PCDHGA3: variants seen among roughly 807,000 people sequenced by gnomAD.
PCDHGA3 encodes the protein protocadherin gamma-A3.
Under a neutral mutation model 58.5 loss-of-function variants are expected in PCDHGA3, and 40 were observed. The ratio of observed to expected loss-of-function variants is 0.68; its 90% CI spans 0.53 to 0.89. The LOEUF (loss-of-function observed/expected upper bound fraction) is 0.89. Ranked by LOEUF, PCDHGA3 falls within the 40% of genes least tolerant of loss-of-function variation. The probability of loss-of-function intolerance (pLI) is 0.00; values close to 1 mark genes in which losing one functional copy is unlikely to be tolerated. For synonymous variants in PCDHGA3, 530 were observed against 525.7 expected (o/e 1.01, Z -0.11); for missense variants, 1,223 against 1,195.9 (o/e 1.02, Z -0.33).
intron 1 of PCDHGA3, chr5:141,419,330 C>G (rs2096361200): frequency 1.9e-6 from 3 of 1,613,958 alleles, no homozygotes; most frequent in Non-Finnish European, 2.5e-6. Context: ...CTCCTACTCT[C>G]TCATTGCCAG....
chr5:141,364,882 C>T (rs199576947), intron 1 of PCDHGA3: 2 of 1,613,962 alleles, frequency 1.2e-6, no homozygotes, highest in African/African-American at 1.3e-5. Context: ...ATGTGGTAAG[C>T]GGAACTGATG....
At chr5:141,458,289 T>G (rs2154566205) in intron 1 of PCDHGA3, among the ~76,000 whole-genome samples, 1 of 152,280 alleles carries the variant, frequency 6.6e-6, no homozygotes, top group African/African-American at 2.4e-5. Flanking sequence ...CTGGTCCTCA[T>G]GCTGGTTTAG....
chr5:141,396,811 A>G (rs999771105), intron 1 of PCDHGA3, among the ~76,000 whole-genome samples: 1 of 152,226 alleles, frequency 6.6e-6, no homozygotes, highest in Non-Finnish European at 1.5e-5. Flanking sequence ...GTAGTGTTCT[A>G]CTGTATGGTG....
chr5:141,351,973 C>A (rs1758879948), intron 1 of PCDHGA3: 7 of 1,612,382 alleles, frequency 4.3e-6, no homozygotes, highest in Non-Finnish European at 5.9e-6. Context: ...CCGCCCTCTT[C>A]GATATGGTGC....
intron 1 of PCDHGA3, chr5:141,355,435 C>G: frequency 6.2e-7 from 1 of 1,614,106 alleles, no homozygotes; most frequent in South Asian, 1.1e-5. Context: ...CGCCCTGAAC[C>G]CGCGCAGCGG....
In PCDHGA3 at chr5:141,487,574, C is replaced by T. The variant is rs753979217; in HGVS notation, c.2425-7233C>T. ...TGCACCTATGGCAGGGGAGCCTGTTCGCCCAAGCTGCCCACCCTCTGATCT... is the reference window on the plus strand; with the variant it reads ...TGCACCTATGGCAGGGGAGCCTGTTTGCCCAAGCTGCCCACCCTCTGATCT... On this transcript the variant is annotated intron_variant, in intron 1 of 3. Transcript: ENST00000253812. This position sits in a 1 kb window ranked among gnomAD's most constrained non-coding sequence, Gnocchi z 5.0. 1.2e-5 allele frequency: 20 copies of T among 1,614,040 alleles called. 1 individual carries two copies. The highest frequency in any genetic ancestry group is 8.9e-5 in the East Asian group (4 of 44,870).
intron 1 of PCDHGA3, chr5:141,378,086 T>G (rs1774615238): frequency 6.6e-6 from 1 of 150,862 alleles, no homozygotes. Context: ...TTTTATAACT[T>G]TTTTTCAAAC....
At chr5:141,404,176 A>C (rs763166170) in intron 1 of PCDHGA3, 2 of 1,613,206 alleles carry the variant, frequency 1.2e-6, no homozygotes, top group African/African-American at 2.7e-5. Context: ...TGACGGCCCA[A>C]ATTCTTGACC....
At chr5:141,400,203 G>C in intron 1 of PCDHGA3, 1 of 1,613,996 alleles carries the variant, frequency 6.2e-7, no homozygotes, top group Non-Finnish European at 8.5e-7. Flanking sequence ...TGGTGGCCTT[G>C]GCCTTGATCT....
chr5:141,373,280 A>C (rs1187870137), intron 1 of PCDHGA3, among the ~76,000 whole-genome samples: 2 of 152,242 alleles, frequency 1.3e-5, no homozygotes, highest in African/African-American at 2.4e-5. Flanking sequence ...GATGTTGCCT[A>C]TGTCAGGGCA....
At chr5:141,507,120 T>TA (rs1256499995) in intron 3 of PCDHGA3, 2 of 152,206 alleles carry the variant, frequency 1.3e-5, no homozygotes, top group African/African-American at 4.8e-5. Context: ...TGGCTGCCTT[T>TA]GGATCCAGCC....
rs2099521625 is a variant in PCDHGA3, at chr5:141,480,568, G to A, written c.2425-14239G>A. 2.0e-5 allele frequency among the ~76,000 whole-genome samples: 3 copies of A among 152,338 alleles called. No individual in the cohort carries two copies. The South Asian group carries it at 6.2e-4, about 32-fold the overall frequency. Reference sequence around the variant, plus strand: ...AAAGGCTAAGAAAGCATGAAAGCCAGCAAGAAATAACTGCCGCTCTTCTGG... The same window carrying A: ...AAAGGCTAAGAAAGCATGAAAGCCAACAAGAAATAACTGCCGCTCTTCTGG... On this transcript the variant is annotated intron_variant, in intron 1 of 3. Coordinates refer to ENST00000253812, the MANE Select transcript of PCDHGA3 (RefSeq NM_018916.4).
intron 1 of PCDHGA3, among the ~76,000 whole-genome samples, chr5:141,433,948 T>C (rs1473404279): frequency 2.0e-5 from 3 of 152,234 alleles, no homozygotes; most frequent in Non-Finnish European, 4.4e-5. Context: ...CATTGTTTCT[T>C]CTACAGTTGT....
chr5:141,489,150 TAA>T lies in PCDHGA3; in HGVS notation c.2425-5656_2425-5655del. 1.2e-6 allele frequency: 1 copy of T among 862,654 alleles called. No homozygotes were observed. Among genetic ancestry groups the T allele is most frequent in the Non-Finnish European group, 1.7e-6 (1 of 575,074 alleles). The allele number at this position is 862,654 out of a possible 1,614,324, so 53.4% of individuals were successfully genotyped here. On this transcript the variant is annotated intron_variant, in intron 1 of 3. Coordinates refer to ENST00000253812, the MANE Select transcript of PCDHGA3 (RefSeq NM_018916.4). This position sits in a 1 kb window ranked among gnomAD's most constrained non-coding sequence, Gnocchi z 4.5. ...GTTTTTAAGAGGCTGGAAGGAGACA[TAA>T]GAGACTTCAGCTGCTGCATTCCAAG... is the stretch of plus-strand genomic sequence containing the variant.
chr5:141,467,506 G>A (rs1364362269), intron 1 of PCDHGA3, among the ~76,000 whole-genome samples: 1 of 152,094 alleles, frequency 6.6e-6, no homozygotes, highest in Non-Finnish European at 1.5e-5. Flanking sequence ...TGATCTAATT[G>A]GAGTTTATTC....
intron 1 of PCDHGA3, chr5:141,403,000 A>T: frequency 1.1e-5 from 18 of 1,613,980 alleles, no homozygotes; most frequent in Non-Finnish European, 1.4e-5. Context: ...TAGTCCTGCT[A>T]TGCTCGCTCC....
rs766164142 is a variant in PCDHGA3, at chr5:141,477,910, G to T, written c.2425-16897G>T. ...TGTCACGGGTGGTAGGCTGGGACGC[G>T]GATGCAGGGCACAATGCCTGGCTCT... On this transcript the variant is annotated intron_variant, in intron 1 of 3. Transcript: ENST00000253812. This position sits in a 1 kb window ranked among gnomAD's most constrained non-coding sequence, Gnocchi z 4.9. The T allele has an allele frequency of 6.2e-7, 1 of 1,614,048 alleles. No individual in the cohort carries two copies. Among genetic ancestry groups the T allele is most frequent in the African/African-American group, 1.3e-5 (1 of 74,932 alleles).
Position 141,456,470 on chromosome 5 carries a change from A to G in PCDHGA3, c.2425-38337A>G, listed in dbSNP as rs573210902. Among the ~76,000 whole-genome samples, 4 of 152,272 alleles carry G rather than the reference A, an allele frequency of 2.6e-5. No homozygotes were observed. In the East Asian group the frequency reaches 7.7e-4, roughly 29 times the overall value. On this transcript the variant is annotated intron_variant, in intron 1 of 3. Coordinates refer to ENST00000253812, the MANE Select transcript of PCDHGA3 (RefSeq NM_018916.4). ...GTCCAAATATCAATACAAGACATAT[A>G]AGCAAGAGAGTGCTTAATAAAGGGG...
rs772487189 is a variant in PCDHGA3 at position 141,415,555 on chromosome 5, C to G, written c.2424+69098C>G. 5 of 1,613,954 alleles carry G rather than the reference C, an allele frequency of 3.1e-6. No homozygotes were observed. In the African/African-American group the frequency reaches 6.7e-5, roughly 22 times the overall value. On this transcript the variant is annotated intron_variant, in intron 1 of 3. Transcript: ENST00000253812. ...CCAGGAGAGCTGTGAGAAAAACGAT[C>G]CTTTGTCTTTGTTAGATGATTCGAA...
Sources: gnomAD v4.1 joint callset for allele counts (sites outside exome capture counted in the v4.1 genomes callset) on GRCh38, gnomAD v4.1.1 for gene constraint, Gnocchi (gnomAD v3.1) non-coding constraint, MANE v1.5 for transcripts, NCBI Gene and HGNC (gene_info 2026-07-23, HGNC 2026-07-21) for gene names.